ASIC2: variants seen among roughly 807,000 people sequenced by gnomAD.
ASIC2 encodes acid-sensing ion channel 2.
A neutral mutation model predicts 57.3 loss-of-function variants in ASIC2; 25 were observed. The observed-to-expected ratio is 0.44, with a 90% CI of 0.32 to 0.61. ASIC2 has a LOEUF of 0.61. Among genes scored for constraint, ASIC2 ranks in the 20% least tolerant of loss-of-function variants. ASIC2 has a pLI of 0.06. For synonymous variants in ASIC2, 319 were observed against 307.5 expected (o/e 1.04, Z -0.39); for missense variants, 641 against 738.1 (o/e 0.87, Z 1.52).
At chr17:34,039,712 T>G (rs1178629713) in intron 1 of ASIC2, 9 of 1,612,314 alleles carry the variant, frequency 5.6e-6, no homozygotes, top group Non-Finnish European at 7.6e-6. Flanking sequence ...CTGCTTTTTC[T>G]TGGGAGTCTC....
chr17:33,592,361 G>T (rs1443537140), intron 1 of ASIC2, among the ~76,000 whole-genome samples: 1 of 152,210 alleles, frequency 6.6e-6, no homozygotes, highest in Admixed American at 6.5e-5. Context: ...AGCCTTCTCT[G>T]GTTTGCTCTG....
intron 1 of ASIC2, among the ~76,000 whole-genome samples, chr17:33,658,594 G>A (rs952068533): frequency 4.6e-5 from 7 of 152,142 alleles, no homozygotes; most frequent in East Asian, 1.9e-4. Context: ...CCTGTTGCTC[G>A]TAGATGGTGA....
At chr17:33,351,997 G>A (rs141612530) in intron 1 of ASIC2, among the ~76,000 whole-genome samples, 1 of 152,154 alleles carries the variant, frequency 6.6e-6, no homozygotes, top group African/African-American at 2.4e-5. Flanking sequence ...AGGACTCACC[G>A]CCTGTCTGAT....
At position 33,024,082 on chromosome 17, in the gene ASIC2, C is replaced by T; in HGVS notation, c.1196-68G>A. The T allele has an allele frequency of 5.0e-6, 8 of 1,591,636 alleles. No homozygotes were observed. In the South Asian group the frequency reaches 9.0e-5, roughly 18 times the overall value. ...TGGGATTTCTAAGGGTCCAGAGTAG[C>T]TGGATTGTAGCAGCTGAGAAATGAG... On this transcript the variant is annotated intron_variant, in intron 5 of 9. Coordinates refer to ENST00000225823, the MANE Select transcript of ASIC2 (RefSeq NM_183377.2).
At chr17:33,763,153 A>G (rs1910836436) in intron 1 of ASIC2, among the ~76,000 whole-genome samples, 1 of 152,208 alleles carries the variant, frequency 6.6e-6, no homozygotes, top group Non-Finnish European at 1.5e-5. Context: ...AGGAGCTCTC[A>G]GGATACAAGT....
chr17:33,814,428 G>C (rs554423711), intron 1 of ASIC2, among the ~76,000 whole-genome samples: 2 of 152,292 alleles, frequency 1.3e-5, no homozygotes, highest in East Asian at 3.9e-4. Flanking sequence ...AGTCCTCAGG[G>C]CTCTTAAGCA....
intron 1 of ASIC2, among the ~76,000 whole-genome samples, chr17:33,175,749 C>A (rs1200948709): frequency 6.6e-6 from 1 of 152,194 alleles, no homozygotes; most frequent in African/African-American, 2.4e-5. Context: ...TCTCCCCCCT[C>A]CACTCAGACC....
rs1040338126 is a variant in ASIC2, at chr17:33,158,510, A to G, written c.709-46443T>C. Among the ~76,000 whole-genome samples, 3 of 152,182 alleles carry G rather than the reference A, an allele frequency of 2.0e-5. No homozygotes were observed. The East Asian group carries it at 5.8e-4, about 29-fold the overall frequency. On this transcript the variant is annotated intron_variant, in intron 1 of 9. Transcript: ENST00000225823. ...TGGTCTGTGGATCGCTGTGAATGCC[A>G]AAGATCTCCAGGTGGGCTCTGAACT...
intron 1 of ASIC2, among the ~76,000 whole-genome samples, chr17:33,217,401 C>A (rs958055268): frequency 6.6e-6 from 1 of 152,226 alleles, no homozygotes; most frequent in Admixed American, 6.5e-5. Flanking sequence ...TGCACACACA[C>A]ACAAACACAC....
intron 1 of ASIC2, among the ~76,000 whole-genome samples, chr17:33,551,330 T>A (rs1915746149): frequency 6.6e-6 from 1 of 151,982 alleles, no homozygotes; most frequent in Admixed American, 6.6e-5. Context: ...TAGATGAGGT[T>A]GCAGCCAGAG....
At chr17:33,018,604 G>T (rs373988295) in intron 7 of ASIC2, among the ~76,000 whole-genome samples, 1 of 152,230 alleles carries the variant, frequency 6.6e-6, no homozygotes. Flanking sequence ...TTGCTGCAGA[G>T]GCAGTGTGGC....
intron 1 of ASIC2, among the ~76,000 whole-genome samples, chr17:33,540,225 C>T (rs1252594974): frequency 6.6e-6 from 1 of 152,108 alleles, no homozygotes; most frequent in Non-Finnish European, 1.5e-5. Flanking sequence ...ATCTTCACAT[C>T]CTCTTCCCTC....
intron 1 of ASIC2, among the ~76,000 whole-genome samples, chr17:33,846,008 G>A (rs1567732595): frequency 2.6e-5 from 4 of 152,138 alleles, no homozygotes; most frequent in South Asian, 2.1e-4. Flanking sequence ...TTCATGCAAA[G>A]ACCTACCACA....
chr17:34,093,161 G>T (rs1008969313), intron 1 of ASIC2, among the ~76,000 whole-genome samples: 2 of 152,140 alleles, frequency 1.3e-5, no homozygotes, highest in African/African-American at 4.8e-5. Context: ...ATGCTGCTGG[G>T]AACATTCTCG....
chr17:33,276,452 T>C (rs1196706439), intron 1 of ASIC2, among the ~76,000 whole-genome samples: 2 of 152,176 alleles, frequency 1.3e-5, no homozygotes, highest in Non-Finnish European at 2.9e-5. Context: ...ATTGAAGACT[T>C]TCTCGCTCCT....
At chr17:33,906,160 C>T (rs1463515222) in intron 1 of ASIC2, among the ~76,000 whole-genome samples, 1 of 152,086 alleles carries the variant, frequency 6.6e-6, no homozygotes, top group Non-Finnish European at 1.5e-5. Flanking sequence ...GCTTGACAGG[C>T]ATCTGCTCCC....
At chr17:33,220,777 C>T (rs1907659561) in intron 1 of ASIC2, among the ~76,000 whole-genome samples, 1 of 152,008 alleles carries the variant, frequency 6.6e-6, no homozygotes, top group Admixed American at 6.6e-5. Flanking sequence ...TAAAGAATTC[C>T]AGATGTAGGG....
chr17:33,563,067 C>A (rs1277475169), intron 1 of ASIC2, among the ~76,000 whole-genome samples: 4 of 152,228 alleles, frequency 2.6e-5, no homozygotes, highest in African/African-American at 9.6e-5. Context: ...ACTCTTGGGC[C>A]AAAGGAACCA....
chr17:33,153,786 T>C (rs964317620), intron 1 of ASIC2, among the ~76,000 whole-genome samples: 2 of 152,084 alleles, frequency 1.3e-5, no homozygotes, highest in Non-Finnish European at 2.9e-5. Context: ...AGAGAGGAGC[T>C]CCACCTAAGA....
Sources: allele counts gnomAD v4.1 joint callset (sites outside exome capture counted in the v4.1 genomes callset), GRCh38; gene constraint gnomAD v4.1.1; transcripts MANE v1.5; gene names NCBI Gene and HGNC (gene_info 2026-07-23, HGNC 2026-07-21).